Variants in UACA observed in about 807,000 individuals in gnomAD.
The protein encoded by UACA is uveal autoantigen with coiled-coil domains and ankyrin repeats.
UACA carries 112 observed loss-of-function variants against 160.5 expected under a neutral mutation model. That is an observed-to-expected ratio of 0.70 (90% CI 0.60 to 0.82). The LOEUF is 0.82. UACA is among the 40% of genes least tolerant of loss of function. The pLI, the probability that UACA is intolerant of heterozygous loss-of-function variation, is 0.00. For synonymous variants in UACA, 557 were observed against 568.4 expected (o/e 0.98, Z 0.29); for missense variants, 1,574 against 1,614.6 (o/e 0.97, Z 0.43).
chr15:70,710,919 A>T (rs899367118), intron 1 of UACA, among the ~76,000 whole-genome samples: 10 of 152,168 alleles, frequency 6.6e-5, no homozygotes, highest in Non-Finnish European at 1.3e-4. Context: ...GCCATTGGTG[A>T]TCAACTCAAC....
chr15:70,671,027 A>C lies in UACA; in HGVS notation c.1221+12T>G. Reference sequence around the variant, plus strand: ...AATGTTTTTTAAAATTAAAAAAAAAAACAGTTATTACCTGTGAGTCTGCCA... The same window carrying C: ...AATGTTTTTTAAAATTAAAAAAAAACACAGTTATTACCTGTGAGTCTGCCA... On this transcript the variant is annotated intron_variant, in intron 15 of 18. Coordinates refer to ENST00000322954, the MANE Select transcript of UACA (RefSeq NM_018003.4). 1 of 1,516,480 alleles carries C rather than the reference A, an allele frequency of 6.6e-7. No homozygotes were observed. Among genetic ancestry groups the C allele is most frequent in the South Asian group, 1.4e-5 (1 of 73,856 alleles). 93.9% of individuals were successfully genotyped at this position (1,516,480 alleles called of 1,614,324 possible).
At chr15:70,775,910 T>C in the UACA span, among the ~76,000 whole-genome samples, 1 of 152,224 alleles carries the variant, frequency 6.6e-6, no homozygotes, top group Non-Finnish European at 1.5e-5. Context: ...AAAGGATTCA[T>C]TGACCTAATT....
chr15:70,747,711 G>A (rs989219762), intron 1 of UACA, among the ~76,000 whole-genome samples: 1 of 152,144 alleles, frequency 6.6e-6, no homozygotes, highest in East Asian at 1.9e-4. Context: ...CAGTAGCAGT[G>A]CCTGGACTGA....
chr15:70,699,589 C>T lies in UACA; in HGVS notation c.150G>A (p.Val50=). The T allele has an allele frequency of 1.2e-6, 2 of 1,610,810 alleles. No homozygotes were observed. The highest frequency in any genetic ancestry group is 1.1e-5 in the South Asian group (1 of 90,846). The change falls in exon 2 of 19, where the codon GTG becomes GTA. Residue 50 remains valine, a synonymous_variant. Transcript: ENST00000322954. ...CCCCCTTTTTAGCAAGGATTGAGGT[C>T]ACTTTTTCTACATCCCCCCTTTCTG... ...KAAERGDVEK[V]TSILAKKGVN... is the part of the protein sequence containing the mutation.
intron 1 of UACA, among the ~76,000 whole-genome samples, chr15:70,717,596 A>G (rs969862168): frequency 1.1e-4 from 17 of 152,184 alleles, no homozygotes; most frequent in Non-Finnish European, 2.4e-4. Context: ...GCAAGAAGAC[A>G]CCTAGTTTAT....
chr15:70,755,363 A>C (rs2030353762), intron 1 of UACA, among the ~76,000 whole-genome samples: 1 of 151,992 alleles, frequency 6.6e-6, no homozygotes, highest in Non-Finnish European at 1.5e-5. Context: ...ATTTTAATTC[A>C]AGGTTTAAAA....
chr15:70,744,504 C>T (rs1899640945), intron 1 of UACA, among the ~76,000 whole-genome samples: 1 of 152,082 alleles, frequency 6.6e-6, no homozygotes, highest in Non-Finnish European at 1.5e-5. Flanking sequence ...TCAGAAACTT[C>T]ACCTCCCTAG....
the UACA span, among the ~76,000 whole-genome samples, chr15:70,770,670 C>A: frequency 6.6e-6 from 1 of 152,164 alleles, no homozygotes; most frequent in African/African-American, 2.4e-5. Flanking sequence ...TGGACCTAAA[C>A]AATAATTAAG....
At chr15:70,666,666 TA>T in intron 16 of UACA, 57 bp downstream of exon 16, 1 of 1,358,654 alleles carries the variant, frequency 7.4e-7, no homozygotes, top group Non-Finnish European at 9.8e-7. Context: ...GATTCTGTGG[TA>T]AAGAGCACTG....
chr15:70,678,021 C>T, intron 11 of UACA, 78 bp downstream of exon 11: 7 of 1,119,768 alleles, frequency 6.3e-6, no homozygotes, highest in Admixed American at 5.2e-5. Context: ...CTAATTTTAC[C>T]TTCTTTAGCA....
chr15:70,749,118 A>C (rs1449019147), intron 1 of UACA: 1 of 361,710 alleles, frequency 2.8e-6, no homozygotes, highest in Admixed American at 3.1e-5. Flanking sequence ...ACATATATAG[A>C]GTGAATGCAC....
At position 70,715,506 on chromosome 15, in the gene UACA, T is replaced by G. The variant is rs528605003; in HGVS notation, c.79-15846A>C. On this transcript the variant is annotated intron_variant, in intron 1 of 18. Transcript: ENST00000322954. ...CAAGTACTAAACTGAAAACAAACAT[T>G]ACACTATTAGCCAATATTTTTATAA... is the stretch of plus-strand genomic sequence containing the variant. Among the ~76,000 whole-genome samples, 12 of 152,276 alleles carry G rather than the reference T, an allele frequency of 7.9e-5. No homozygotes were observed. In the East Asian group the frequency reaches 2.3e-3, roughly 29 times the overall value.
chr15:70,767,254 AAAC>A (rs2031034692), upstream of UACA, among the ~76,000 whole-genome samples: 1 of 128,054 alleles, frequency 7.8e-6, no homozygotes. Context: ...AAAAAAAAAA[AAAC>A]AAAAAACAAA....
intron 1 of UACA, among the ~76,000 whole-genome samples, chr15:70,762,396 C>T (rs1040176755): frequency 9.2e-5 from 14 of 152,198 alleles, no homozygotes; most frequent in Non-Finnish European, 1.8e-4. Context: ...ATAACAACTC[C>T]TTTACGTTCG....
intron 1 of UACA, among the ~76,000 whole-genome samples, chr15:70,723,843 A>G (rs1485753896): frequency 6.6e-6 from 1 of 152,110 alleles, no homozygotes; most frequent in East Asian, 1.9e-4. Flanking sequence ...CATGTTGGCC[A>G]GGATGGTCTC....
intron 3 of UACA, among the ~76,000 whole-genome samples, chr15:70,693,401 A>C (rs186529046): frequency 1.1e-4 from 17 of 152,266 alleles, no homozygotes; most frequent in Admixed American, 8.5e-4. Flanking sequence ...TTTTAAATAC[A>C]CTTTAATATT....
chr15:70,749,698 CAAAAAAAAAAAA>C (rs11292883), intron 1 of UACA, among the ~76,000 whole-genome samples: 1 of 70,056 alleles, frequency 1.4e-5, no homozygotes, highest in Admixed American at 1.9e-4. Context: ...GACTCCGTCT[CAAAAAAAAAAAA>C]AAAAAAAAAA....
At chr15:70,741,086 A>G (rs929276000) in intron 1 of UACA, among the ~76,000 whole-genome samples, 2 of 152,160 alleles carry the variant, frequency 1.3e-5, no homozygotes, top group Non-Finnish European at 2.9e-5. Flanking sequence ...CTGGGCTGAG[A>G]GTAGGGAGAG....
At chr15:70,771,359 A>T in the UACA span, among the ~76,000 whole-genome samples, 1,696 of 152,354 alleles carry the variant, frequency 0.011, 27 homozygotes, top group African/African-American at 0.039. Flanking sequence ...GAAAAGGAAA[A>T]GGCACTGAAT....
Sources: allele counts gnomAD v4.1 joint callset (sites outside exome capture counted in the v4.1 genomes callset), GRCh38; gene constraint gnomAD v4.1.1; transcripts MANE v1.5; gene names NCBI Gene and HGNC (gene_info 2026-07-23, HGNC 2026-07-21).